The following NECTIN2 variants were observed in gnomAD, a reference collection of about 807,000 sequenced individuals.
NECTIN2 encodes the protein nectin-2.
NECTIN2 carries 23 observed loss-of-function variants against 56.9 expected under a neutral mutation model. That is an observed-to-expected ratio of 0.40 (90% CI 0.29 to 0.57). NECTIN2 has a LOEUF of 0.57. NECTIN2 is among the 20% of genes least tolerant of loss of function. The probability of loss-of-function intolerance (pLI) is 0.38; values close to 1 mark genes in which losing one functional copy is unlikely to be tolerated. For synonymous variants in NECTIN2, 302 were observed against 313.8 expected (o/e 0.96, Z 0.40); for missense variants, 587 against 718.3 (o/e 0.82, Z 2.09).
chr19:44,852,848 T>C (rs1968917261), intron 1 of NECTIN2, among the ~76,000 whole-genome samples: 1 of 152,210 alleles, frequency 6.6e-6, no homozygotes, highest in African/African-American at 2.4e-5. Flanking sequence ...CTCACGCCTG[T>C]AATCCAAGCA....
intron 1 of NECTIN2, among the ~76,000 whole-genome samples, chr19:44,860,251 G>A (rs147120030): frequency 2.4e-4 from 36 of 152,298 alleles, no homozygotes; most frequent in African/African-American, 8.7e-4. Flanking sequence ...CAGGCTGGGC[G>A]CAGTGGCTCA....
intron 1 of NECTIN2, among the ~76,000 whole-genome samples, chr19:44,859,970 GC>G (rs1320254170): frequency 6.6e-6 from 1 of 152,204 alleles, no homozygotes; most frequent in Admixed American, 6.6e-5. Flanking sequence ...CCTATCAGCG[GC>G]TGAATGGATA....
intron 6 of NECTIN2, 129 bp downstream of exon 6, chr19:44,882,493 G>A: frequency 2.2e-6 from 2 of 892,242 alleles, no homozygotes; most frequent in East Asian, 3.3e-5. Flanking sequence ...AGGAACTGGG[G>A]TCTAAATGGA....
chr19:44,868,648 T>A (rs1388860437), intron 2 of NECTIN2, among the ~76,000 whole-genome samples: 2 of 151,660 alleles, frequency 1.3e-5, no homozygotes, highest in Non-Finnish European at 2.9e-5. Context: ...GCGTGGTGGC[T>A]CACTCCTGTA....
chr19:44,849,260 T>G, intron 1 of NECTIN2, among the ~76,000 whole-genome samples: 1 of 148,394 alleles, frequency 6.7e-6, no homozygotes, highest in African/African-American at 2.5e-5. Context: ...GACACTGGAA[T>G]GGGACGGAGG....
rs572045921 is a variant in NECTIN2 at position 44,864,030 on chromosome 19, A to G, written c.89-1241A>G. Among the ~76,000 whole-genome samples, 8 of 152,052 alleles carry G rather than the reference A, an allele frequency of 5.3e-5. No homozygotes were observed. The South Asian group carries it at 1.7e-3, about 32-fold the overall frequency. ...AGAGGATTCCCCCCCCCCAAAAAAA[A>G]ATCTTATGAAAATTTTGGGGTGGGC... On this transcript the variant is annotated intron_variant, in intron 1 of 8. Coordinates refer to ENST00000252483, the MANE Select transcript of NECTIN2 (RefSeq NM_001042724.2).
At chr19:44,871,195 G>A (rs774825213) in intron 2 of NECTIN2, among the ~76,000 whole-genome samples, 55 of 152,186 alleles carry the variant, frequency 3.6e-4, no homozygotes, top group Non-Finnish European at 5.7e-4. Context: ...GCCTCCTCTA[G>A]GCTTTTGGAC....
At chr19:44,870,673 C>T (rs529964447) in intron 2 of NECTIN2, among the ~76,000 whole-genome samples, 42 of 151,724 alleles carry the variant, frequency 2.8e-4, no homozygotes, top group Middle Eastern at 3.5e-3. Flanking sequence ...TCCAGCTGGA[C>T]CTTTGAACCA....
In NECTIN2 at chr19:44,874,786, A is replaced by G. The variant is rs1969218489; in HGVS notation, c.1042+308A>G. ...ACCCGAGGAAGCTGCCCTGGGCTCC[A>G]GCTCCTGAGAAAGACGCACACCTAG... On this transcript the variant is annotated intron_variant, in intron 5 of 8. Coordinates refer to ENST00000252483, the MANE Select transcript of NECTIN2 (RefSeq NM_001042724.2). The surrounding 1 kb of genome is among the most constrained non-coding windows in gnomAD (Gnocchi z 6.3). 3.3e-6 allele frequency: 1 copy of G among 306,856 alleles called. No homozygotes were observed. Among genetic ancestry groups the G allele is most frequent in the Non-Finnish European group, 6.3e-6 (1 of 157,676 alleles). The allele number at this position is 306,856 out of a possible 1,614,324, so 19.0% of individuals were successfully genotyped here. A position where few individuals can be genotyped will look rare whatever the true frequency, so the allele number is the denominator to read the frequency against.
At chr19:44,878,160 CGATCCTCGT>C in intron 5 of NECTIN2, 1 of 623,842 alleles carries the variant, frequency 1.6e-6, no homozygotes, top group Middle Eastern at 3.4e-4. Context: ...CTCCCCAGAG[CGATCCTCGT>C]GATCTTGTGT....
At chr19:44,886,655 G>A (rs1045446564) in intron 8 of NECTIN2, among the ~76,000 whole-genome samples, 5 of 152,178 alleles carry the variant, frequency 3.3e-5, no homozygotes, top group African/African-American at 7.2e-5. Flanking sequence ...CCAGGAGGCC[G>A]AGGTTACAGT....
intron 2 of NECTIN2, among the ~76,000 whole-genome samples, chr19:44,867,944 G>A (rs184412531): frequency 6.6e-6 from 1 of 152,260 alleles, no homozygotes; most frequent in African/African-American, 2.4e-5. Flanking sequence ...GAGGGGAGAA[G>A]AGGCATTGCT....
chr19:44,888,282 A>G lies in NECTIN2; in HGVS notation c.1520A>G (p.Asp507Gly), dbSNP rs754756680. The change falls in exon 9 of 9, where the codon GAC becomes GGC. Residue 507 changes from aspartate (D) to glycine (G), a missense_variant. Coordinates refer to ENST00000252483, the MANE Select transcript of NECTIN2 (RefSeq NM_001042724.2). ...EEGEEEEEYLDKINPIYDALS... is the reference protein window; with the variant it reads ...EEGEEEEEYLGKINPIYDALS... ...GGGGAGGAGGAGGAAGAGTATCTGG[A>G]CAAGATCAACCCCATCTATGATGCT... The G allele has an allele frequency of 3.1e-6, 5 of 1,614,070 alleles. No individual in the cohort carries two copies. In the South Asian group the frequency reaches 5.5e-5, roughly 18 times the overall value.
At chr19:44,882,907 G>A (rs1969324113) in intron 6 of NECTIN2, among the ~76,000 whole-genome samples, 2 of 151,666 alleles carry the variant, frequency 1.3e-5, no homozygotes, top group African/African-American at 4.8e-5. Context: ...TCAGCCTCCG[G>A]AGTAGCTGGG....
In NECTIN2 at chr19:44,874,362, C is replaced by A; in HGVS notation, c.926C>A (p.Ala309Asp). The A allele has an allele frequency of 1.2e-6, 2 of 1,614,176 alleles. No homozygotes were observed. Among genetic ancestry groups the A allele is most frequent in the South Asian group, 1.1e-5 (1 of 91,090 alleles). Residue 309 changes from alanine (A) to aspartate (D), a missense_variant, in exon 5 of 9, where the codon GCC becomes GAC. By Grantham distance (126) the Ala-to-Asp change is moderately radical (BLOSUM62 -2). Coordinates refer to ENST00000252483, the MANE Select transcript of NECTIN2 (RefSeq NM_001042724.2). The surrounding 1 kb of genome is among the most constrained non-coding windows in gnomAD (Gnocchi z 6.3). ...TSGTFPTSAV[A>D]QGSQLVIHAV... ...GGCACCTTCCCGACCTCCGCAGTGG[C>A]CCAGGGCTCCCAGCTGGTCATCCAC...
intron 6 of NECTIN2, among the ~76,000 whole-genome samples, chr19:44,885,342 C>T (rs1239736903): frequency 7.3e-5 from 10 of 136,846 alleles, no homozygotes; most frequent in Non-Finnish European, 1.5e-4. Context: ...TTTGAGATGG[C>T]ATCTCACTCT....
At chr19:44,864,012 T>TCC (rs1555786362) in intron 1 of NECTIN2, among the ~76,000 whole-genome samples, 2,627 of 146,598 alleles carry the variant, frequency 0.018, 44 homozygotes, top group African/African-American at 0.037. Context: ...TTCAGAGGAT[T>TCC]CCCCCCCCCC....
At chr19:44,878,652 G>A (rs745334701) in intron 5 of NECTIN2, 19 of 1,156,638 alleles carry the variant, frequency 1.6e-5, no homozygotes, top group South Asian at 2.7e-5. Flanking sequence ...AGCCAGGCCC[G>A]GCCCTCCCGC....
intron 8 of NECTIN2, among the ~76,000 whole-genome samples, chr19:44,886,628 GGAA>G (rs1969364361): frequency 1.3e-5 from 2 of 152,244 alleles, no homozygotes; most frequent in South Asian, 4.1e-4. Flanking sequence ...GCGCTGAGGA[GGAA>G]GAATCGCCTG....
Sources: allele counts gnomAD v4.1 joint callset (sites outside exome capture counted in the v4.1 genomes callset), GRCh38; gene constraint gnomAD v4.1.1; non-coding constraint Gnocchi (gnomAD v3.1); transcripts MANE v1.5; gene names NCBI Gene and HGNC (gene_info 2026-07-23, HGNC 2026-07-21).